PITPNA: variants seen among roughly 807,000 people sequenced by gnomAD.
The protein encoded by PITPNA is phosphatidylinositol transfer protein alpha isoform.
PITPNA carries 13 observed loss-of-function variants against 50.3 expected under a neutral mutation model. The observed-to-expected ratio is 0.26, with a 90% CI of 0.17 to 0.41. PITPNA has a LOEUF of 0.41. PITPNA is among the 10% of genes least tolerant of loss of function. The pLI is 1.00. For synonymous variants in PITPNA, 120 were observed against 119.6 expected (o/e 1.00, Z -0.02); for missense variants, 207 against 333.4 (o/e 0.62, Z 2.95).
chr17:1,559,269 C>T (rs1376041949), intron 1 of PITPNA, among the ~76,000 whole-genome samples: 2 of 152,178 alleles, frequency 1.3e-5, no homozygotes, highest in Non-Finnish European at 2.9e-5. Context: ...AAAGGAATCC[C>T]AATTTATCAT....
intron 4 of PITPNA, 136 bp from the exon 5 acceptor site, chr17:1,543,163 T>C (rs2075656466): frequency 8.1e-6 from 5 of 620,000 alleles, no homozygotes; most frequent in Non-Finnish European, 1.1e-5. Flanking sequence ...CACGGTCACC[T>C]CCAAGCCCCA....
intron 3 of PITPNA, among the ~76,000 whole-genome samples, chr17:1,551,353 G>T (rs368361600): frequency 1.3e-5 from 2 of 151,136 alleles, no homozygotes; most frequent in East Asian, 3.9e-4. Flanking sequence ...GTGCAGTGGC[G>T]TGACCATGGC....
At chr17:1,560,482 C>T (rs1223309432) in intron 1 of PITPNA, among the ~76,000 whole-genome samples, 1 of 152,204 alleles carries the variant, frequency 6.6e-6, no homozygotes, top group Non-Finnish European at 1.5e-5. Flanking sequence ...ACCAGGCAGG[C>T]CCTGCATCTC....
At chr17:1,537,464 GC>G (rs1320917616) in intron 7 of PITPNA, among the ~76,000 whole-genome samples, 1 of 148,644 alleles carries the variant, frequency 6.7e-6, no homozygotes, top group African/African-American at 2.6e-5. Context: ...CTCCCAAAGT[GC>G]TGGGATTACA....
intron 2 of PITPNA, among the ~76,000 whole-genome samples, chr17:1,557,563 T>C (rs1598414713): frequency 6.6e-6 from 1 of 151,432 alleles, no homozygotes; most frequent in Non-Finnish European, 1.5e-5. Context: ...GAGAGGAGAG[T>C]GGAAGAAGTT....
intron 10 of PITPNA, among the ~76,000 whole-genome samples, chr17:1,529,475 T>C (rs1046160457): frequency 6.6e-6 from 1 of 151,314 alleles, no homozygotes. Context: ...TGAGCTGACA[T>C]TGTGCCAGTG....
chr17:1,534,138 A>G lies in PITPNA; in HGVS notation c.729T>C (p.Ile243=), dbSNP rs770474302. 2 of 1,613,608 alleles carry G rather than the reference A, an allele frequency of 1.2e-6. No homozygotes were observed. The highest frequency in any genetic ancestry group is 1.7e-6 in the Non-Finnish European group (2 of 1,179,802). ...TCTTCGTCTCTTCTTCCATCCTTCG[A>G]ATGTCGTCCATGGTCAGGTCAACCC... ...DKWVDLTMDD[I]RRMEEETKRQ... The change falls in exon 10 of 12, where the codon ATT becomes ATC. Residue 243 remains isoleucine (I), a synonymous_variant. Transcript: ENST00000313486.
At chr17:1,555,313 T>C (rs1285873800) in intron 2 of PITPNA, among the ~76,000 whole-genome samples, 3 of 152,176 alleles carry the variant, frequency 2.0e-5, no homozygotes, top group Non-Finnish European at 4.4e-5. Context: ...TTAATCCCAA[T>C]GAGACAAGTG....
rs776841050 is a variant in PITPNA, at chr17:1,534,057, CGTTT to C, written c.768+38_768+41del. 3.8e-5 allele frequency: 61 copies of C among 1,611,054 alleles called. No homozygotes were observed. In the African/African-American group the frequency reaches 4.0e-4, roughly 11 times the overall value. On this transcript the variant is annotated intron_variant, in intron 10 of 11. Coordinates refer to ENST00000313486, the MANE Select transcript of PITPNA (RefSeq NM_006224.4). ...CCAGCAAAACAGTCTCCTTAATCTT[CGTTT>C]GTTTATCTAATTGAGAGCCCCCAGA...
intron 4 of PITPNA, among the ~76,000 whole-genome samples, chr17:1,546,614 C>A (rs1055062939): frequency 6.6e-6 from 1 of 152,022 alleles, no homozygotes; most frequent in Non-Finnish European, 1.5e-5. Flanking sequence ...CTGTCTGTAC[C>A]CACACATGGA....
intron 10 of PITPNA, among the ~76,000 whole-genome samples, chr17:1,527,657 A>T (rs1259854402): frequency 2.0e-5 from 3 of 152,026 alleles, no homozygotes; most frequent in African/African-American, 4.8e-5. Context: ...CTATTTTTAA[A>T]TTTTTTTTCT....
chr17:1,535,541 G>A (rs1356938863), intron 7 of PITPNA, 23 bp from the exon 8 acceptor site: 5 of 1,510,616 alleles, frequency 3.3e-6, no homozygotes, highest in Non-Finnish European at 4.6e-6. Context: ...GTGGAATTGG[G>A]GTTGGAGGGG....
At chr17:1,549,643 G>T (rs765127856) in intron 3 of PITPNA, among the ~76,000 whole-genome samples, 2 of 144,132 alleles carry the variant, frequency 1.4e-5, no homozygotes, top group East Asian at 2.5e-4. Flanking sequence ...AAATTAAAAT[G>T]AAAATGGTAC....
intron 10 of PITPNA, among the ~76,000 whole-genome samples, chr17:1,528,253 G>A (rs575175413): frequency 1.3e-5 from 2 of 152,264 alleles, no homozygotes; most frequent in East Asian, 3.9e-4. Context: ...CGATTCTCCT[G>A]TCTCAGCCTC....
Position 1,549,438 on chromosome 17 carries a change from T to C in PITPNA, c.198-1051A>G, listed in dbSNP as rs1475981393. ...TTCAAGAGATTCTCCTGCCTCAGCCTCCCGAGTAGAAGGGACTACAGGTTC... is the reference window on the plus strand; with the variant it reads ...TTCAAGAGATTCTCCTGCCTCAGCCCCCCGAGTAGAAGGGACTACAGGTTC... On this transcript the variant is annotated intron_variant, in intron 3 of 11. Coordinates refer to ENST00000313486, the MANE Select transcript of PITPNA (RefSeq NM_006224.4). Among the ~76,000 whole-genome samples, 5 of 151,310 alleles carry C rather than the reference T, an allele frequency of 3.3e-5. No individual in the cohort carries two copies. The South Asian group carries it at 1.0e-3, about 32-fold the overall frequency.
At chr17:1,520,705 C>T (rs1407227136) in intron 11 of PITPNA, among the ~76,000 whole-genome samples, 167 bp from the exon 12 acceptor site, 1 of 152,168 alleles carries the variant, frequency 6.6e-6, no homozygotes, top group East Asian at 1.9e-4. Context: ...GCTGGCATCA[C>T]AGCAGTCCGC....
At position 1,562,305 on chromosome 17, in the gene PITPNA, C is replaced by T. The variant is rs2075772529; in HGVS notation, c.20+236G>A. Among the ~76,000 whole-genome samples, 1 of 150,978 alleles carries T rather than the reference C, an allele frequency of 6.6e-6. No individual in the cohort carries two copies. Among genetic ancestry groups the T allele is most frequent in the East Asian group, 2.0e-4 (1 of 5,112 alleles). ...CTCAGATGCCGAACGCCCCGGCTGC[C>T]CCTCCACGCCCCGGCCGCCCCTCCA... On this transcript the variant is annotated intron_variant, in intron 1 of 11. Coordinates refer to ENST00000313486, the MANE Select transcript of PITPNA (RefSeq NM_006224.4). This position sits in a 1 kb window ranked among gnomAD's most constrained non-coding sequence, Gnocchi z 6.4.
rs777655730 is a variant in PITPNA, at chr17:1,535,430, G to A, written c.534+11C>T. On this transcript the variant is annotated intron_variant, in intron 8 of 11. Transcript: ENST00000313486. Reference sequence around the variant, plus strand: ...TGCCCAGCCCCCTGGCAGTGAAGGTGTGAATGGTACCTTCCAATTGGGGCC... The same window carrying A: ...TGCCCAGCCCCCTGGCAGTGAAGGTATGAATGGTACCTTCCAATTGGGGCC... 5.0e-6 allele frequency: 8 copies of A among 1,605,058 alleles called. No homozygotes were observed. Among genetic ancestry groups the A allele is most frequent in the Non-Finnish European group, 6.8e-6 (8 of 1,171,810 alleles).
Position 1,519,799 on chromosome 17 carries a change from G to A in PITPNA, c.*762C>T, listed in dbSNP as rs2075497897. 2.0e-5 allele frequency: 3 copies of A among 152,348 alleles called. No individual in the cohort carries two copies. Among genetic ancestry groups the A allele is most frequent in the African/African-American group, 7.2e-5 (3 of 41,446 alleles). The allele number at this position is 152,348 out of a possible 1,614,324, so 9.4% of individuals were successfully genotyped here. On this transcript the variant is annotated 3_prime_UTR_variant, in exon 12 of 12. Transcript: ENST00000313486. ...CTGGACAATTCCCTCCAAGTGGAGA[G>A]TTGACTGGGGCGATTTTGTAGACTG...
Sources: allele counts gnomAD v4.1 joint callset (sites outside exome capture counted in the v4.1 genomes callset), GRCh38; gene constraint gnomAD v4.1.1; non-coding constraint Gnocchi (gnomAD v3.1); transcripts MANE v1.5; gene names NCBI Gene and HGNC (gene_info 2026-07-23, HGNC 2026-07-21).